The following MDGA2 variants were observed in gnomAD, a reference collection of about 807,000 sequenced individuals.
The protein encoded by MDGA2 is MAM domain containing glycosylphosphatidylinositol anchor 2, also known as MAM domain-containing glycosylphosphatidylinositol anchor protein 2.
Under a neutral mutation model 117.8 loss-of-function variants are expected in MDGA2, and 40 were observed. The observed-to-expected ratio is 0.34, with a 90% CI of 0.26 to 0.44. MDGA2 has a LOEUF of 0.44. Ranked by LOEUF, MDGA2 falls within the 20% of genes least tolerant of loss-of-function variation. The probability of loss-of-function intolerance (pLI) is 1.00; values close to 1 mark genes in which losing one functional copy is unlikely to be tolerated. For missense variants in MDGA2, 1,123 were observed against 1,250.6 expected, an observed-to-expected ratio of 0.90 and a Z score of 1.54; for synonymous variants, 452 against 439.0, an observed-to-expected ratio of 1.03 and a Z score of -0.37.
At chr14:46,909,803 T>C (rs1245929039) in intron 10 of MDGA2, among the ~76,000 whole-genome samples, 1 of 152,114 alleles carries the variant, frequency 6.6e-6, no homozygotes, top group African/African-American at 2.4e-5. Context: ...TTATTCAATA[T>C]AGGAAAACTA....
chr14:47,383,160 C>A (rs1891674774), intron 1 of MDGA2, among the ~76,000 whole-genome samples: 2 of 152,064 alleles, frequency 1.3e-5, no homozygotes, highest in Admixed American at 6.6e-5. Flanking sequence ...ACAATGAGAA[C>A]ACTTGGACAC....
rs191843007 is a variant in MDGA2 at position 47,059,502 on chromosome 14, A to G, written c.1525+1747T>C. 41 of 365,934 alleles carry G rather than the reference A, an allele frequency of 1.1e-4. No homozygotes were observed. In the East Asian group the frequency reaches 3.1e-3, roughly 28 times the overall value. 22.7% of individuals were successfully genotyped at this position (365,934 alleles called of 1,614,324 possible). ...GAAATTTCACAAATCAATGTTGGTC[A>G]TCTTTACTATTTTGTCATATATAAC... On this transcript the variant is annotated intron_variant, in intron 7 of 16. Transcript: ENST00000399232.
intron 1 of MDGA2, among the ~76,000 whole-genome samples, chr14:47,599,501 C>T (rs1158175874): frequency 6.6e-6 from 1 of 152,084 alleles, no homozygotes; most frequent in Non-Finnish European, 1.5e-5. Context: ...AATAAGGAGT[C>T]ATGAGATTTT....
intron 10 of MDGA2, among the ~76,000 whole-genome samples, chr14:46,918,373 C>T (rs139920629): frequency 3.3e-5 from 5 of 151,958 alleles, no homozygotes; most frequent in Admixed American, 6.6e-5. Flanking sequence ...ATAGATACTC[C>T]AAATATGAAA....
chr14:46,929,483 C>T (rs1884451520), intron 9 of MDGA2, among the ~76,000 whole-genome samples: 1 of 149,220 alleles, frequency 6.7e-6, no homozygotes, highest in Non-Finnish European at 1.5e-5. Context: ...AATTATTCCT[C>T]AAGGTGAAGG....
At chr14:47,435,790 T>C (rs1892884843) in intron 1 of MDGA2, among the ~76,000 whole-genome samples, 2 of 152,196 alleles carry the variant, frequency 1.3e-5, no homozygotes, top group East Asian at 3.9e-4. Flanking sequence ...CACTCCCTCA[T>C]GACCAGGTTA....
At chr14:47,169,920 T>TA (rs1370364550) in intron 3 of MDGA2, among the ~76,000 whole-genome samples, 1 of 152,130 alleles carries the variant, frequency 6.6e-6, no homozygotes, top group Non-Finnish European at 1.5e-5. Flanking sequence ...AAAAATTACC[T>TA]ATATTGTCAA....
At chr14:47,392,040 A>C (rs938680655) in intron 1 of MDGA2, among the ~76,000 whole-genome samples, 1 of 152,172 alleles carries the variant, frequency 6.6e-6, no homozygotes, top group Admixed American at 6.6e-5. Context: ...GTGACCTTAA[A>C]TTAAGTTCCC....
intron 3 of MDGA2, among the ~76,000 whole-genome samples, chr14:47,177,605 A>T (rs887898660): frequency 6.6e-6 from 1 of 152,136 alleles, no homozygotes; most frequent in Non-Finnish European, 1.5e-5. Context: ...AACAATGAGA[A>T]CACATGGACA....
In MDGA2 at chr14:47,586,882, T is replaced by C. The variant is rs75416730; in HGVS notation, c.280+87635A>G. Among the ~76,000 whole-genome samples, 4 of 64,848 alleles carry C rather than the reference T, an allele frequency of 6.2e-5. No individual in the cohort carries two copies. The South Asian group carries it at 3.2e-3, about 52-fold the overall frequency. The allele number at this position is 64,848 out of a possible 152,430, so 42.5% of individuals were successfully genotyped here. A position where few individuals can be genotyped will look rare whatever the true frequency, so the allele number is the denominator to read the frequency against. On this transcript the variant is annotated intron_variant, in intron 1 of 16. Coordinates refer to ENST00000399232, the MANE Select transcript of MDGA2 (RefSeq NM_001113498.3). ...AGCACTCTTTCATCATGAACATCTG[T>C]CCGTTTCCAGTGATGTTCAAACTTC...
chr14:47,175,949 A>C (rs1884424575), intron 3 of MDGA2, among the ~76,000 whole-genome samples: 5 of 152,178 alleles, frequency 3.3e-5, no homozygotes, highest in Admixed American at 3.3e-4. Flanking sequence ...AACTTCAGCA[A>C]AGTCTCAGGA....
At chr14:46,974,685 T>G (rs768399719) in intron 8 of MDGA2, among the ~76,000 whole-genome samples, 5 of 152,126 alleles carry the variant, frequency 3.3e-5, no homozygotes, top group Non-Finnish European at 5.9e-5. Flanking sequence ...GCAAAAGAAT[T>G]AAGTTAGATC....
chr14:47,638,093 C>G (rs187577926), intron 1 of MDGA2, among the ~76,000 whole-genome samples: 55 of 152,188 alleles, frequency 3.6e-4, no homozygotes, highest in Middle Eastern at 3.4e-3. Flanking sequence ...AGATGAGGCC[C>G]CTGACATCCA....
chr14:47,290,085 T>C (rs1888828164), intron 2 of MDGA2, among the ~76,000 whole-genome samples: 1 of 151,918 alleles, frequency 6.6e-6, no homozygotes, highest in African/African-American at 2.4e-5. Context: ...AAGACATTTT[T>C]TTTAAGAGAT....
At chr14:47,336,655 C>T (rs190096914) in intron 1 of MDGA2, among the ~76,000 whole-genome samples, 1 of 151,960 alleles carries the variant, frequency 6.6e-6, no homozygotes, top group East Asian at 1.9e-4. Context: ...GAGGAAAGAG[C>T]TTTTACATTA....
chr14:46,890,369 T>C (rs1882834236), intron 10 of MDGA2, among the ~76,000 whole-genome samples: 1 of 152,134 alleles, frequency 6.6e-6, no homozygotes, highest in South Asian at 2.1e-4. Flanking sequence ...AATGCATTTG[T>C]TAATTTGCCA....
chr14:46,987,701 T>C (rs571742085), intron 8 of MDGA2, among the ~76,000 whole-genome samples: 4 of 152,098 alleles, frequency 2.6e-5, no homozygotes, highest in Non-Finnish European at 4.4e-5. Context: ...TCCCTGATCT[T>C]GAAGGGAAGG....
chr14:47,528,673 C>T (rs796272684), intron 1 of MDGA2, among the ~76,000 whole-genome samples: 5 of 152,238 alleles, frequency 3.3e-5, no homozygotes, highest in African/African-American at 7.2e-5. Flanking sequence ...ATCTATATAA[C>T]GGAAAGTATT....
intron 2 of MDGA2, among the ~76,000 whole-genome samples, chr14:47,267,045 T>C (rs1887988214): frequency 6.6e-6 from 1 of 152,156 alleles, no homozygotes; most frequent in Admixed American, 6.6e-5. Context: ...TAAACATTTG[T>C]TGAATGAATT....
Sources: allele counts gnomAD v4.1 joint callset (sites outside exome capture counted in the v4.1 genomes callset), GRCh38; gene constraint gnomAD v4.1.1; transcripts MANE v1.5; gene names NCBI Gene and HGNC (gene_info 2026-07-23, HGNC 2026-07-21).